Variants in SEPTIN6 observed in about 807,000 individuals in gnomAD.
SEPTIN6 encodes septin 6.
In SEPTIN6, 8 loss-of-function variants were observed where a neutral mutation model predicts 33.6. The observed-to-expected ratio is 0.24, with a 90% confidence interval of 0.14 to 0.43. The LOEUF (loss-of-function observed/expected upper bound fraction) is 0.43. Ranked by LOEUF, SEPTIN6 falls within the 20% of genes least tolerant of loss-of-function variation. The pLI is 1.00. For missense variants in SEPTIN6, 250 were observed against 340.8 expected, an observed-to-expected ratio of 0.73 and a Z score of 2.10; for synonymous variants, 131 against 140.0, an observed-to-expected ratio of 0.94 and a Z score of 0.45.
At chrX:119,684,205 A>G (rs1464406698) in intron 1 of SEPTIN6, among the ~76,000 whole-genome samples, 2 of 111,666 alleles carry the variant, frequency 1.8e-5, no homozygotes, top group African/African-American at 6.5e-5. Context: ...TCGGCCTCCC[A>G]AAGTTCTGGG....
intron 1 of SEPTIN6, among the ~76,000 whole-genome samples, chrX:119,678,980 C>T (rs1385970792): frequency 9.0e-6 from 1 of 110,960 alleles, no homozygotes; most frequent in Non-Finnish European, 1.9e-5. Flanking sequence ...AGGAGTCTCT[C>T]CCTGTCTCCC....
At chrX:119,655,233 G>T (rs1357888603) in intron 3 of SEPTIN6, among the ~76,000 whole-genome samples, 2 of 110,616 alleles carry the variant, frequency 1.8e-5, no homozygotes, top group Non-Finnish European at 3.8e-5. Context: ...CAGCCACCAG[G>T]ATTTGGTGTA....
In SEPTIN6 at chrX:119,617,227, A is replaced by C. The variant is rs2053680347; in HGVS notation, c.*2866T>G. 3 of 810,113 alleles carry C rather than the reference A, an allele frequency of 3.7e-6. No homozygotes were observed. In the South Asian group the frequency reaches 2.0e-4, roughly 53 times the overall value. The allele number at this position is 810,113 out of a possible 1,213,427, so 66.8% of individuals were successfully genotyped here. ...GACTGGTTTTGTTTCACCAGAAGTA[A>C]ACAGAGTACTTAGGGTATTTTTTTT... On this transcript the variant is annotated 3_prime_UTR_variant, in exon 11 of 11. Coordinates refer to ENST00000394610, the MANE Select transcript of SEPTIN6 (RefSeq NM_145799.4).
At chrX:119,630,699 C>T (rs2053942202) in intron 8 of SEPTIN6, among the ~76,000 whole-genome samples, 1 of 111,311 alleles carries the variant, frequency 9.0e-6, no homozygotes, top group African/African-American at 3.3e-5. Flanking sequence ...TCTAGACCAG[C>T]ATGGCCAACA....
chrX:119,663,705 C>T, intron 2 of SEPTIN6, 28 bp from the exon 3 acceptor site: 1 of 1,124,301 alleles, frequency 8.9e-7, no homozygotes, highest in Non-Finnish European at 1.2e-6. Flanking sequence ...AAATTATGGT[C>T]TGTTCACATA....
chrX:119,666,264 C>T (rs1163295042), intron 2 of SEPTIN6, among the ~76,000 whole-genome samples: 2 of 111,890 alleles, frequency 1.8e-5, no homozygotes, highest in African/African-American at 6.5e-5. Flanking sequence ...TCTTCACAGT[C>T]GGGACTGGGT....
At chrX:119,663,448 T>TGGCC in intron 3 of SEPTIN6, 34 bp downstream of exon 3, 3 of 751,156 alleles carry the variant, frequency 4.0e-6, no homozygotes, top group African/African-American at 2.1e-5. Flanking sequence ...TCTACCAACC[T>TGGCC]CCCCACCCTA....
chrX:119,629,242 C>T, intron 9 of SEPTIN6, 76 bp downstream of exon 9: 1 of 1,040,201 alleles, frequency 9.6e-7, no homozygotes. Context: ...TCAGCCCCTT[C>T]AGGTGCCACG....
At chrX:119,620,569 T>G (rs7062368) in intron 10 of SEPTIN6, among the ~76,000 whole-genome samples, 4 of 109,883 alleles carry the variant, frequency 3.6e-5, no homozygotes, top group African/African-American at 1.3e-4. Flanking sequence ...TCTGCCCGCC[T>G]TGGCCTCCCA....
intron 3 of SEPTIN6, among the ~76,000 whole-genome samples, chrX:119,662,040 C>A (rs1162966798): frequency 6.4e-5 from 7 of 108,835 alleles, no homozygotes; most frequent in Non-Finnish European, 1.3e-4. Flanking sequence ...GCCTGGCCCC[C>A]CAACATCTTT....
chrX:119,681,916 A>G (rs761298734), intron 1 of SEPTIN6, among the ~76,000 whole-genome samples: 2 of 111,483 alleles, frequency 1.8e-5, no homozygotes, highest in South Asian at 7.6e-4. Flanking sequence ...ACACACCTGT[A>G]GTCCCAGCTA....
In SEPTIN6 at chrX:119,620,463, A is replaced by C. The variant is rs1183930493; in HGVS notation, c.*42-412T>G. ...CCTCCCCAGCAGCTGGGACTACAGG[A>C]GCCCGCCGCCACACCCGGCTAATTT... On this transcript the variant is annotated intron_variant, in intron 10 of 10. Coordinates refer to ENST00000394610, the MANE Select transcript of SEPTIN6 (RefSeq NM_145799.4). 3.0e-4 allele frequency among the ~76,000 whole-genome samples: 31 copies of C among 104,480 alleles called. 1 individual carries two copies. The highest frequency in any genetic ancestry group is 1.9e-3 in the Admixed American group (18 of 9,678). The allele number at this position is 104,480 out of a possible 115,157, so 90.7% of individuals were successfully genotyped here.
At chrX:119,640,617 A>T in intron 6 of SEPTIN6, 75 bp downstream of exon 6, 3 of 847,404 alleles carry the variant, frequency 3.5e-6, no homozygotes, top group Non-Finnish European at 5.2e-6. Flanking sequence ...AACTTGTCAT[A>T]TAGTGGCTGG....
At chrX:119,671,389 G>A (rs932820704) in intron 2 of SEPTIN6, among the ~76,000 whole-genome samples, 3 of 107,672 alleles carry the variant, frequency 2.8e-5, no homozygotes, top group Admixed American at 9.9e-5. Flanking sequence ...CCGGGTTCAC[G>A]CCATTCTCCT....
At chrX:119,623,771 G>A (rs554566951) in intron 10 of SEPTIN6, among the ~76,000 whole-genome samples, 4 of 112,120 alleles carry the variant, frequency 3.6e-5, no homozygotes, top group South Asian at 3.7e-4. Flanking sequence ...CCCAGGAGGC[G>A]GAGGTTGCAG....
At chrX:119,631,849 G>A (rs936350600) in intron 8 of SEPTIN6, among the ~76,000 whole-genome samples, 4 of 107,501 alleles carry the variant, frequency 3.7e-5, no homozygotes, top group African/African-American at 6.8e-5. Context: ...TGCAACCTCC[G>A]CCTCCTGGGT....
intron 5 of SEPTIN6, among the ~76,000 whole-genome samples, chrX:119,647,555 T>C (rs1222211678): frequency 2.0e-5 from 2 of 99,095 alleles, no homozygotes; most frequent in African/African-American, 7.7e-5. Flanking sequence ...TCGATCAGGG[T>C]TCACCGCAGC....
intron 3 of SEPTIN6, among the ~76,000 whole-genome samples, chrX:119,653,756 T>C (rs1271015904): frequency 8.9e-6 from 1 of 112,214 alleles, no homozygotes; most frequent in African/African-American, 3.2e-5. Flanking sequence ...CTGATTCTCA[T>C]TTCTGCCAAG....
At chrX:119,663,751 ACAC>A in intron 2 of SEPTIN6, 74 bp from the exon 3 acceptor site, 1 of 841,534 alleles carries the variant, frequency 1.2e-6, no homozygotes, top group Non-Finnish European at 1.7e-6. Context: ...TGTTTCATAT[ACAC>A]ATTTGTTGAC....
Sources: gnomAD v4.1 joint callset for allele counts (sites outside exome capture counted in the v4.1 genomes callset) on GRCh38, gnomAD v4.1.1 for gene constraint, MANE v1.5 for transcripts, NCBI Gene and HGNC (gene_info 2026-07-23, HGNC 2026-07-21) for gene names.